MTMR14: variants seen among roughly 807,000 people sequenced by gnomAD.
MTMR14 encodes the protein myotubularin related protein 14, also known as phosphatidylinositol-3,5-bisphosphate 3-phosphatase MTMR14.
Under a neutral mutation model 86.3 loss-of-function variants are expected in MTMR14, and 48 were observed. That is an observed-to-expected ratio of 0.56 (90% CI 0.44 to 0.71). The LOEUF is 0.71. MTMR14 is among the 30% of genes least tolerant of loss of function. The pLI, the probability that MTMR14 is intolerant of heterozygous loss-of-function variation, is 0.00. For missense variants in MTMR14, 780 were observed against 834.6 expected, an observed-to-expected ratio of 0.93 and a Z score of 0.81; for synonymous variants, 366 against 326.1, an observed-to-expected ratio of 1.12 and a Z score of -1.32.
At chr3:9,670,948 G>A in intron 5 of MTMR14, 100 bp from the exon 6 acceptor site, 1 of 1,497,848 alleles carries the variant, frequency 6.7e-7, no homozygotes, top group Non-Finnish European at 9.3e-7. Flanking sequence ...CCCAGCTTCT[G>A]GAGAAGAGTG....
intron 2 of MTMR14, among the ~76,000 whole-genome samples, chr3:9,655,620 C>G (rs1414628568): frequency 6.6e-6 from 1 of 150,952 alleles, no homozygotes; most frequent in Non-Finnish European, 1.5e-5. Context: ...GCCACCACGC[C>G]CAGCTACTTT....
chr3:9,669,031 T>C (rs1666751012), intron 4 of MTMR14, among the ~76,000 whole-genome samples: 1 of 151,476 alleles, frequency 6.6e-6, no homozygotes, highest in Non-Finnish European at 1.5e-5. Context: ...TCCCAGCTAC[T>C]CAGGAGGCTG....
At chr3:9,659,742 A>G in intron 2 of MTMR14, 1 of 456,436 alleles carries the variant, frequency 2.2e-6, no homozygotes, top group Non-Finnish European at 4.4e-6. Context: ...GTGCCTGGCC[A>G]GAAACTGAAT....
intron 17 of MTMR14, among the ~76,000 whole-genome samples, chr3:9,694,439 C>A (rs2076224370): frequency 6.6e-6 from 1 of 152,132 alleles, no homozygotes; most frequent in South Asian, 2.1e-4. Context: ...CCCAGGAATT[C>A]AAGACTAGGC....
At chr3:9,662,068 A>G (rs1415122434) in intron 2 of MTMR14, among the ~76,000 whole-genome samples, 199 bp from the exon 3 acceptor site, 1 of 151,882 alleles carries the variant, frequency 6.6e-6, no homozygotes, top group African/African-American at 2.4e-5. Flanking sequence ...AGCCTGGGCA[A>G]CAACAGTGAA....
chr3:9,673,150 C>G (rs187669694), intron 7 of MTMR14, among the ~76,000 whole-genome samples: 1 of 152,336 alleles, frequency 6.6e-6, no homozygotes, highest in Non-Finnish European at 1.5e-5. Context: ...GTGTGAGCAA[C>G]TACACTTGCT....
At chr3:9,671,026 T>C in intron 5 of MTMR14, 22 bp from the exon 6 acceptor site, 2 of 1,614,028 alleles carry the variant, frequency 1.2e-6, no homozygotes, top group African/African-American at 2.7e-5. Context: ...ATGTAACTTC[T>C]CCCTCTGGCT....
rs1213825544 is a variant in MTMR14 at position 9,677,144 on chromosome 3, C to A, written c.752-173C>A. Among the ~76,000 whole-genome samples the A allele has an allele frequency of 6.6e-6, 1 of 151,818 alleles. No individual in the cohort carries two copies. Among genetic ancestry groups the A allele is most frequent in the Non-Finnish European group, 1.5e-5 (1 of 68,036 alleles). On this transcript the variant is annotated intron_variant, in intron 7 of 18. Transcript: ENST00000296003. The surrounding 1 kb of genome is among the most constrained non-coding windows in gnomAD (Gnocchi z 4.2). ...ACCAGAGGGGCTCTAGAGGCTCGCC[C>A]CTGGCTTTTGCCCACCCGTGTCAGC...
At chr3:9,690,203 G>GGAGGGTCGGGGGCCAGCACCTGAGC in intron 17 of MTMR14, 60 bp downstream of exon 17, 1 of 1,579,388 alleles carries the variant, frequency 6.3e-7, no homozygotes, top group Non-Finnish European at 8.6e-7. Flanking sequence ...TAATAAGACT[G>GGAGGGTCGGGGGCCAGCACCTGAGC]GAGGGTCGGG....
rs138323526 is a variant in MTMR14 at position 9,687,918 on chromosome 3, C to T, written c.1235+27C>T. 2.1e-3 allele frequency: 3,236 copies of T among 1,567,368 alleles called. 8 individuals are homozygous for T. The highest frequency in any genetic ancestry group is 2.9e-3 in the South Asian group (250 of 86,496). ...TAAGTGGAGGCCTGCACGTGTCATG[C>T]TGGGCCAGGGCGCTCTGAGAAGGGC... On this transcript the variant is annotated intron_variant, in intron 14 of 18. Transcript: ENST00000296003.
chr3:9,684,785 C>T, intron 11 of MTMR14, 103 bp from the exon 12 acceptor site: 2 of 1,535,692 alleles, frequency 1.3e-6, no homozygotes, highest in Non-Finnish European at 1.8e-6. Flanking sequence ...TTAACCCTGT[C>T]CTTCCGGGTG....
At chr3:9,683,966 A>C (rs2075854571) in intron 10 of MTMR14, among the ~76,000 whole-genome samples, 1 of 152,188 alleles carries the variant, frequency 6.6e-6, no homozygotes, top group Admixed American at 6.5e-5. Context: ...GCTTATGCTC[A>C]TTGGCCCAGT....
rs779591616 is a variant in MTMR14 at position 9,701,817 on chromosome 3, T to G, written c.1797T>G (p.Thr599=). The G allele has an allele frequency of 6.2e-7, 1 of 1,613,840 alleles. No homozygotes were observed. The highest frequency in any genetic ancestry group is 8.5e-7 in the Non-Finnish European group (1 of 1,180,034). The change falls in exon 19 of 19, where the codon ACT becomes ACG. Residue 599 remains threonine (T), a synonymous_variant. Transcript: ENST00000296003. This position sits in a 1 kb window ranked among gnomAD's most constrained non-coding sequence, Gnocchi z 4.2. ...CLLAALSDRE[T]RLQEVRSAFL... ...TTGCAGCCCTGAGTGATCGAGAGAC[T>G]CGGCTGCAGGAGGTGCGCTCAGCCT...
At chr3:9,650,532 G>C in intron 1 of MTMR14, 1 of 359,636 alleles carries the variant, frequency 2.8e-6, no homozygotes, top group South Asian at 2.0e-5. Context: ...AGATTACCGT[G>C]AGTTGCTATT....
chr3:9,702,061 C>G lies in MTMR14; in HGVS notation c.*88C>G, dbSNP rs2076477430. 2 of 1,549,884 alleles carry G rather than the reference C, an allele frequency of 1.3e-6. No homozygotes were observed. The highest frequency in any genetic ancestry group is 1.8e-6 in the Non-Finnish European group (2 of 1,129,040). On this transcript the variant is annotated 3_prime_UTR_variant, in exon 19 of 19. Coordinates refer to ENST00000296003, the MANE Select transcript of MTMR14 (RefSeq NM_001077525.3). ...GCCATGCCTGGCCGAAGGGGTACTT[C>G]CAGGTCAGGGGAAATTTCAGTCCCC...
chr3:9,655,014 G>A (rs1275749020), intron 2 of MTMR14, among the ~76,000 whole-genome samples: 3 of 152,178 alleles, frequency 2.0e-5, no homozygotes, highest in African/African-American at 7.2e-5. Context: ...GCCAGGGAGT[G>A]TGAACCTGTG....
rs2076486284 is a variant in MTMR14, at chr3:9,702,376, A to T, written c.*403A>T. On this transcript the variant is annotated 3_prime_UTR_variant, in exon 19 of 19. Coordinates refer to ENST00000296003, the MANE Select transcript of MTMR14 (RefSeq NM_001077525.3). ...GACACAGATCACAAAATAAAATCAA[A>T]GTCTTTTTGAATAGCCACTCTTGTG... is the stretch of plus-strand genomic sequence containing the variant. 1 of 286,648 alleles carries T rather than the reference A, an allele frequency of 3.5e-6. No homozygotes were observed. The highest frequency in any genetic ancestry group is 8.1e-5 in the East Asian group (1 of 12,328). The allele number at this position is 286,648 out of a possible 1,614,324, so 17.8% of individuals were successfully genotyped here.
chr3:9,654,401 T>C (rs1457649029), intron 2 of MTMR14, among the ~76,000 whole-genome samples: 1 of 152,222 alleles, frequency 6.6e-6, no homozygotes, highest in Non-Finnish European at 1.5e-5. Context: ...AAAGCTACCA[T>C]TTATGGTGGG....
chr3:9,649,811 C>T, intron 1 of MTMR14, 69 bp downstream of exon 1: 1 of 1,592,678 alleles, frequency 6.3e-7, no homozygotes, highest in Non-Finnish European at 8.5e-7. Flanking sequence ...AAGGCTGAGG[C>T]CAGGGGTCAG....
Sources: gnomAD v4.1 joint callset for allele counts (sites outside exome capture counted in the v4.1 genomes callset) on GRCh38, gnomAD v4.1.1 for gene constraint, Gnocchi (gnomAD v3.1) non-coding constraint, MANE v1.5 for transcripts, NCBI Gene and HGNC (gene_info 2026-07-23, HGNC 2026-07-21) for gene names.